The following KCTD14 variants were observed in gnomAD, a reference collection of about 807,000 sequenced individuals.
KCTD14 encodes BTB/POZ domain-containing protein KCTD14.
Under a neutral mutation model 5.9 loss-of-function variants are expected in KCTD14, and 7 were observed. The ratio of observed to expected loss-of-function variants is 1.19; its 90% CI spans 0.68 to 2.23. The LOEUF is 2.23. Among genes scored for constraint, KCTD14 ranks in the 30% most tolerant of loss-of-function variants. The probability of loss-of-function intolerance (pLI) is 0.00; values close to 1 mark genes in which losing one functional copy is unlikely to be tolerated. For missense variants in KCTD14, 342 were observed against 332.2 expected, an observed-to-expected ratio of 1.03 and a Z score of -0.23; for synonymous variants, 140 against 133.1, an observed-to-expected ratio of 1.05 and a Z score of -0.36.
intron 2 of KCTD14, among the ~76,000 whole-genome samples, chr11:78,029,971 A>G (rs185206163): frequency 7.3e-4 from 111 of 151,914 alleles, no homozygotes; most frequent in African/African-American, 2.6e-3. Context: ...TTTTTAGTAG[A>G]GACAGGGTTT....
At chr11:78,036,643 A>G (rs1274753958) in intron 2 of KCTD14, among the ~76,000 whole-genome samples, 1 of 152,192 alleles carries the variant, frequency 6.6e-6, no homozygotes, top group Non-Finnish European at 1.5e-5. Flanking sequence ...CTTAAATGTT[A>G]CCTTTCCCAA....
At chr11:78,026,279 A>G (rs956245504), upstream of KCTD14, among the ~76,000 whole-genome samples, 1 of 151,922 alleles carries the variant, frequency 6.6e-6, no homozygotes, top group Middle Eastern at 3.4e-3. Flanking sequence ...TCTACTAAAA[A>G]TGTAAAAATT....
At chr11:78,023,298 T>G (rs1297616462), upstream of KCTD14, 5 of 1,578,378 alleles carry the variant, frequency 3.2e-6, no homozygotes, top group Non-Finnish European at 3.5e-6. Flanking sequence ...CGCCCCTAGG[T>G]GGGAACACCG....
intron 1 of KCTD14, among the ~76,000 whole-genome samples, chr11:78,021,297 CAAAAAAAAAAAAAAAAAA>C (rs531185817): frequency 1.2e-5 from 1 of 85,188 alleles, no homozygotes. Context: ...GACCCTGTCT[CAAAAAAAAAAAAAAAAAA>C]AAAAAAAAAA....
At chr11:78,020,195 C>T (rs2034501) in intron 1 of KCTD14, among the ~76,000 whole-genome samples, 123,268 of 152,068 alleles carry the variant, frequency 0.81, 50,109 homozygotes, top group Admixed American at 0.83. Flanking sequence ...ATGTGATGGC[C>T]GCTGCTGCTG....
At chr11:78,018,262 C>T (rs755622888) in intron 1 of KCTD14, among the ~76,000 whole-genome samples, 3 of 152,062 alleles carry the variant, frequency 2.0e-5, no homozygotes, top group Non-Finnish European at 4.4e-5. Context: ...GGATATTGGC[C>T]GGGCATAGTG....
intron 1 of KCTD14, among the ~76,000 whole-genome samples, chr11:78,045,222 GC>G (rs1858101983): frequency 1.3e-5 from 2 of 152,044 alleles, no homozygotes; most frequent in Admixed American, 6.6e-5. Flanking sequence ...TCTTGCCTCC[GC>G]CCTCAAGTAG....
intron 2 of KCTD14, among the ~76,000 whole-genome samples, chr11:78,032,471 C>A (rs1434687639): frequency 6.6e-6 from 1 of 152,198 alleles, no homozygotes; most frequent in Non-Finnish European, 1.5e-5. Context: ...TTCACAACAA[C>A]CCTATAAGGA....
upstream of KCTD14, among the ~76,000 whole-genome samples, chr11:78,027,684 A>C (rs547080365): frequency 6.6e-6 from 1 of 152,174 alleles, no homozygotes; most frequent in African/African-American, 2.4e-5. Context: ...ACTCTTAAAA[A>C]ATAAAAATAA....
At chr11:78,017,398 G>T in intron 1 of KCTD14, 128 bp from the exon 2 acceptor site, 1 of 1,240,032 alleles carries the variant, frequency 8.1e-7, no homozygotes, top group South Asian at 1.7e-5. Context: ...CTAGTGAAAG[G>T]CCCATCTTAC....
At chr11:78,025,195 G>A (rs998745788), upstream of KCTD14, among the ~76,000 whole-genome samples, 16 of 138,760 alleles carry the variant, frequency 1.2e-4, no homozygotes, top group African/African-American at 4.2e-4. Flanking sequence ...ACAATCACAA[G>A]GTCCCATAAC....
Position 78,017,269 on chromosome 11 carries a change from A to G in KCTD14, c.92T>C (p.Met31Thr). 1 of 1,582,696 alleles carries G rather than the reference A, an allele frequency of 6.3e-7. No homozygotes were observed. The highest frequency in any genetic ancestry group is 8.6e-7 in the Non-Finnish European group (1 of 1,159,204). The change falls in exon 2 of 2, where the codon ATG (methionine) becomes ACG (threonine). Residue 31 changes from methionine to threonine, a missense_variant and splice_region_variant. Transcript: ENST00000353172. Reference sequence around the variant, plus strand: ...GACGTTCAGCTCCACAACAGTAGACATCTGGGGGCACAAGAGGCAGAGTAA... The same window carrying G: ...GACGTTCAGCTCCACAACAGTAGACGTCTGGGGGCACAAGAGGCAGAGTAA... The part of the protein sequence containing the change: ...PQSPRPRRPT[M>T]STVVELNVGG...
intron 1 of KCTD14, chr11:78,022,832 T>A: frequency 4.1e-6 from 1 of 246,130 alleles, no homozygotes; most frequent in Admixed American, 5.6e-5. Flanking sequence ...AGAGGAGGAG[T>A]CGTGGGCTAG....
chr11:78,035,382 A>G (rs1159780244), intron 2 of KCTD14, among the ~76,000 whole-genome samples: 1 of 151,984 alleles, frequency 6.6e-6, no homozygotes, highest in Admixed American at 6.6e-5. Flanking sequence ...GTTCCTATAC[A>G]TTGGCTGCAT....
At chr11:78,044,340 T>C (rs1858073924) in intron 1 of KCTD14, among the ~76,000 whole-genome samples, 1 of 152,066 alleles carries the variant, frequency 6.6e-6, no homozygotes, top group Non-Finnish European at 1.5e-5. Context: ...GTGACCCACA[T>C]GTGGACCCCG....
intron 2 of KCTD14, among the ~76,000 whole-genome samples, chr11:78,029,186 A>G (rs1269096035): frequency 2.5e-5 from 1 of 40,026 alleles, no homozygotes; most frequent in Non-Finnish European, 4.6e-5. Context: ...CTCTGTCTCC[A>G]AAAAAAAAAA....
intron 1 of KCTD14, among the ~76,000 whole-genome samples, chr11:78,021,699 T>G (rs941770289): frequency 6.6e-6 from 1 of 152,190 alleles, no homozygotes; most frequent in Non-Finnish European, 1.5e-5. Flanking sequence ...ACTACAGGCA[T>G]GAGCTACCAC....
upstream of KCTD14, among the ~76,000 whole-genome samples, chr11:78,027,958 T>A (rs1857509844): frequency 6.6e-6 from 1 of 152,132 alleles, no homozygotes; most frequent in South Asian, 2.1e-4. Context: ...CAGCTGTGCC[T>A]GAATTCCAAA....
At chr11:78,030,668 C>T (rs1434617660) in intron 2 of KCTD14, among the ~76,000 whole-genome samples, 3 of 152,234 alleles carry the variant, frequency 2.0e-5, no homozygotes, top group African/African-American at 7.2e-5. Flanking sequence ...CAGCCCCTCT[C>T]CCCTCCAGGC....
Sources: allele counts gnomAD v4.1 joint callset (sites outside exome capture counted in the v4.1 genomes callset), GRCh38; gene constraint gnomAD v4.1.1; transcripts MANE v1.5; gene names NCBI Gene and HGNC (gene_info 2026-07-23, HGNC 2026-07-21).